The following PIP4K2A variants were observed in gnomAD, a reference collection of about 807,000 sequenced individuals.
PIP4K2A encodes the protein phosphatidylinositol 5-phosphate 4-kinase type-2 alpha.
A neutral mutation model predicts 42.9 loss-of-function variants in PIP4K2A; 14 were observed. That is an observed-to-expected ratio of 0.33 (90% CI 0.22 to 0.51). The LOEUF (loss-of-function observed/expected upper bound fraction) is 0.51, where lower values mean the gene tolerates loss of function less well. Ranked by LOEUF, PIP4K2A falls within the 20% of genes least tolerant of loss-of-function variation. PIP4K2A has a pLI of 0.97. For synonymous variants in PIP4K2A, 192 were observed against 192.2 expected, an observed-to-expected ratio of 1.00 and a Z score of 0.01; for missense variants, 434 against 519.8, an observed-to-expected ratio of 0.83 and a Z score of 1.61.
At chr10:22,560,715 T>C (rs1836669367) in intron 6 of PIP4K2A, among the ~76,000 whole-genome samples, 1 of 152,196 alleles carries the variant, frequency 6.6e-6, no homozygotes, top group South Asian at 2.1e-4. Context: ...TTAAAAGGGA[T>C]CTTCTTATTG....
chr10:22,595,966 G>A (rs1182687208), intron 3 of PIP4K2A, among the ~76,000 whole-genome samples: 1 of 152,062 alleles, frequency 6.6e-6, no homozygotes, highest in African/African-American at 2.4e-5. Flanking sequence ...AGCACTTTGG[G>A]AGGCCAAGGC....
At chr10:22,628,382 A>G (rs758840474) in intron 1 of PIP4K2A, among the ~76,000 whole-genome samples, 22 of 152,292 alleles carry the variant, frequency 1.4e-4, no homozygotes, top group Non-Finnish European at 2.4e-4. Flanking sequence ...TCGTTAGAAA[A>G]AGTCTCAAAA....
intron 4 of PIP4K2A, among the ~76,000 whole-genome samples, chr10:22,590,318 C>G (rs1217638939): frequency 6.6e-6 from 1 of 152,170 alleles, no homozygotes; most frequent in African/African-American, 2.4e-5. Context: ...GAAGATGATT[C>G]CTGGGATGTT....
At chr10:22,641,742 G>A in intron 1 of PIP4K2A, among the ~76,000 whole-genome samples, 1 of 151,968 alleles carries the variant, frequency 6.6e-6, no homozygotes, top group Non-Finnish European at 1.5e-5. Context: ...GAGCTGCCAT[G>A]AGCCCCCCAT....
intron 1 of PIP4K2A, among the ~76,000 whole-genome samples, chr10:22,634,388 A>G (rs1334835128): frequency 6.6e-6 from 1 of 152,184 alleles, no homozygotes; most frequent in East Asian, 1.9e-4. Context: ...TAGCGGTTAC[A>G]GATTTGGGGG....
chr10:22,539,831 C>A (rs1836044826), intron 9 of PIP4K2A, 140 bp downstream of exon 9: 1 of 698,788 alleles, frequency 1.4e-6, no homozygotes, highest in Non-Finnish European at 2.6e-6. Flanking sequence ...CAGTAGAAAG[C>A]AGCTCAGTGG....
chr10:22,545,703 CAT>C (rs1391076477), intron 7 of PIP4K2A, among the ~76,000 whole-genome samples: 4 of 152,306 alleles, frequency 2.6e-5, no homozygotes, highest in Middle Eastern at 3.4e-3. Context: ...GGGCATTGCA[CAT>C]GTTTTCTTTT....
intron 2 of PIP4K2A, among the ~76,000 whole-genome samples, chr10:22,609,158 C>T (rs7900517): frequency 0.082 from 12,472 of 152,192 alleles, 563 homozygotes; most frequent in Middle Eastern, 0.16. Context: ...TTCATAATGA[C>T]GTCTAAAACA....
intron 1 of PIP4K2A, among the ~76,000 whole-genome samples, chr10:22,684,121 A>G (rs1408604322): frequency 2.0e-5 from 3 of 152,126 alleles, no homozygotes; most frequent in Admixed American, 2.0e-4. Flanking sequence ...ACAATTTAGT[A>G]TGCCAACTTC....
chr10:22,617,591 G>GATT (rs1838202723), intron 1 of PIP4K2A, among the ~76,000 whole-genome samples: 1 of 152,188 alleles, frequency 6.6e-6, no homozygotes, highest in Non-Finnish European at 1.5e-5. Flanking sequence ...CACATGTAGA[G>GATT]GAGACACTGA....
chr10:22,696,372 T>C (rs1588712704), intron 1 of PIP4K2A, among the ~76,000 whole-genome samples: 2 of 152,328 alleles, frequency 1.3e-5, no homozygotes, highest in South Asian at 4.1e-4. Flanking sequence ...CCATCCTACA[T>C]GCCATCAGAA....
At chr10:22,549,067 A>G (rs891868171) in intron 7 of PIP4K2A, among the ~76,000 whole-genome samples, 1 of 152,216 alleles carries the variant, frequency 6.6e-6, no homozygotes, top group Non-Finnish European at 1.5e-5. Context: ...GCAACAAGAA[A>G]GTAGATACTT....
chr10:22,582,130 T>C (rs1837295171), intron 4 of PIP4K2A, among the ~76,000 whole-genome samples: 1 of 152,054 alleles, frequency 6.6e-6, no homozygotes, highest in Non-Finnish European at 1.5e-5. Flanking sequence ...AGTCTACTTA[T>C]AAATGATGTC....
chr10:22,664,750 T>C (rs1588694708), intron 1 of PIP4K2A, among the ~76,000 whole-genome samples: 1 of 152,170 alleles, frequency 6.6e-6, no homozygotes, highest in Non-Finnish European at 1.5e-5. Flanking sequence ...TACGAAGTAC[T>C]ACCACAGAGC....
chr10:22,712,076 T>C (rs1276992345), intron 1 of PIP4K2A, among the ~76,000 whole-genome samples: 1 of 152,212 alleles, frequency 6.6e-6, no homozygotes, highest in Non-Finnish European at 1.5e-5. Context: ...TGCTTACATT[T>C]ATATGAAATG....
intron 1 of PIP4K2A, among the ~76,000 whole-genome samples, chr10:22,700,613 C>T (rs1031347075): frequency 6.6e-6 from 1 of 152,206 alleles, no homozygotes; most frequent in Non-Finnish European, 1.5e-5. Context: ...GCTAATGCAG[C>T]CCCTTGCTAT....
At chr10:22,579,813 G>T (rs1178137830) in intron 4 of PIP4K2A, among the ~76,000 whole-genome samples, 1 of 149,286 alleles carries the variant, frequency 6.7e-6, no homozygotes. Context: ...GGAGGCTGAG[G>T]CAGGAGAATC....
chr10:22,701,760 G>A (rs1340825309), intron 1 of PIP4K2A, among the ~76,000 whole-genome samples: 1 of 152,224 alleles, frequency 6.6e-6, no homozygotes, highest in East Asian at 1.9e-4. Flanking sequence ...GAAAGAGTTG[G>A]AAGAGGGAGG....
intron 1 of PIP4K2A, among the ~76,000 whole-genome samples, chr10:22,613,868 G>A (rs1306794529): frequency 6.6e-6 from 1 of 152,214 alleles, no homozygotes; most frequent in Admixed American, 6.5e-5. Context: ...AAGGGGAAAG[G>A]AGTTCCAGGA....
Sources: allele counts gnomAD v4.1 joint callset (sites outside exome capture counted in the v4.1 genomes callset), GRCh38; gene constraint gnomAD v4.1.1; transcripts MANE v1.5; gene names NCBI Gene and HGNC (gene_info 2026-07-23, HGNC 2026-07-21).